Variants in ADAM7 observed in about 807,000 individuals in gnomAD.
ADAM7 encodes ADAM metallopeptidase domain 7.
Under a neutral mutation model 102.9 loss-of-function variants are expected in ADAM7, and 97 were observed. The observed-to-expected ratio is 0.94, with a 90% CI of 0.80 to 1.12. The LOEUF is 1.12. Ranked by LOEUF, ADAM7 falls within the 50% of genes most tolerant of loss-of-function variation. ADAM7 has a pLI of 0.00. For synonymous variants in ADAM7, 334 were observed against 304.4 expected (o/e 1.10, Z -1.01); for missense variants, 991 against 908.7 (o/e 1.09, Z -1.16).
chr8:24,452,455 A>T (rs13280798), intron 3 of ADAM7, among the ~76,000 whole-genome samples: 2 of 149,204 alleles, frequency 1.3e-5, no homozygotes, highest in Admixed American at 6.8e-5. Flanking sequence ...CTGTTTTATC[A>T]GAGACTAGGA....
Position 24,482,213 on chromosome 8 carries a change from A to G in ADAM7, c.777A>G (p.Glu259=), listed in dbSNP as rs761398118. 6.2e-7 allele frequency: 1 copy of G among 1,608,350 alleles called. No individual in the cohort carries two copies. The highest frequency in any genetic ancestry group is 1.1e-5 in the South Asian group (1 of 89,438). ...IEIWTHEDKI[E]LYSNIETTLL... ...TATGGACACATGAAGATAAAATAGAACTATATTCAAATATAGAAACTACCT... is the reference window on the plus strand; with the variant it reads ...TATGGACACATGAAGATAAAATAGAGCTATATTCAAATATAGAAACTACCT... Residue 259 remains glutamate, a synonymous_variant, in exon 9 of 22, where the codon GAA becomes GAG. Coordinates refer to ENST00000175238, the MANE Select transcript of ADAM7 (RefSeq NM_003817.4).
At chr8:24,478,846 A>C (rs1023464626) in intron 8 of ADAM7, among the ~76,000 whole-genome samples, 1 of 152,190 alleles carries the variant, frequency 6.6e-6, no homozygotes, top group Non-Finnish European at 1.5e-5. Context: ...GTAGAGTCTA[A>C]GAAAATAATA....
chr8:24,499,212 C>G lies in ADAM7; in HGVS notation c.1843-24C>G, dbSNP rs185173119. Reference sequence around the variant, plus strand: ...ACATCAATTGTAAGTCATTTTAATTCATGCTTGGTTACTTCATTTCTAGGT... The same window carrying G: ...ACATCAATTGTAAGTCATTTTAATTGATGCTTGGTTACTTCATTTCTAGGT... On this transcript the variant is annotated intron_variant, in intron 16 of 21. Coordinates refer to ENST00000175238, the MANE Select transcript of ADAM7 (RefSeq NM_003817.4). 954 of 1,528,456 alleles carry G rather than the reference C, an allele frequency of 6.2e-4. 8 individuals carry two copies. The Admixed American group carries it at 0.017, about 28-fold the overall frequency. 94.7% of individuals were successfully genotyped at this position (1,528,456 alleles called of 1,614,324 possible). A position where few individuals can be genotyped will look rare whatever the true frequency, so the allele number is the denominator to read the frequency against.
chr8:24,495,182 G>A (rs1174679736), intron 16 of ADAM7, among the ~76,000 whole-genome samples: 8 of 152,086 alleles, frequency 5.3e-5, no homozygotes. Flanking sequence ...CAACAGATTT[G>A]AATAAGATCC....
intron 8 of ADAM7, among the ~76,000 whole-genome samples, chr8:24,478,553 G>A (rs1227144690): frequency 6.6e-6 from 1 of 152,090 alleles, no homozygotes; most frequent in Non-Finnish European, 1.5e-5. Flanking sequence ...TCACAGTCCT[G>A]CCCACGTTGA....
chr8:24,508,949 A>G lies in ADAM7; in HGVS notation c.*403A>G, dbSNP rs1305878588. ...GTTACTTTTTTGGAAACATAAAAGT[A>G]CGTTTTAAAACTTGAACATGACATC... On this transcript the variant is annotated 3_prime_UTR_variant, in exon 22 of 22. Transcript: ENST00000175238. 11 of 1,018,226 alleles carry G rather than the reference A, an allele frequency of 1.1e-5. No individual in the cohort carries two copies. The highest frequency in any genetic ancestry group is 1.3e-5 in the Non-Finnish European group (11 of 851,704). The allele number at this position is 1,018,226 out of a possible 1,614,324, so 63.1% of individuals were successfully genotyped here. A position where few individuals can be genotyped will look rare whatever the true frequency, so the allele number is the denominator to read the frequency against.
Position 24,500,836 on chromosome 8 carries a change from C to G in ADAM7, c.2049C>G (p.Ile683Met). 1 of 1,613,266 alleles carries G rather than the reference C, an allele frequency of 6.2e-7. No homozygotes were observed. Among genetic ancestry groups the G allele is most frequent in the Non-Finnish European group, 8.5e-7 (1 of 1,179,512 alleles). The change falls in exon 19 of 22, where the codon ATC becomes ATG. Residue 683 changes from isoleucine (I) to methionine (M), a missense_variant. Coordinates refer to ENST00000175238, the MANE Select transcript of ADAM7 (RefSeq NM_003817.4). ...VVVLVLVIVG[I>M]GVLILLVRYR... Reference sequence around the variant, plus strand: ...TGCTTGTCCTGGTTATTGTCGGTATCGGAGTTCTTATACTATTAGTTCGTT... The same window carrying G: ...TGCTTGTCCTGGTTATTGTCGGTATGGGAGTTCTTATACTATTAGTTCGTT...
rs1438433414 is a variant in ADAM7, at chr8:24,476,506, T to C, written c.705+2T>C. The C allele has an allele frequency of 6.2e-7, 1 of 1,602,862 alleles. No homozygotes were observed. On this transcript the variant is annotated splice_donor_variant, in intron 8 of 21. Transcript: ENST00000175238. LOFTEE classifies it high-confidence loss of function. ...GGAATGGTCAATTTTGTCAACATGG[T>C]AAGATTTGATACAGTTTTTGAATCA...
chr8:24,446,645 G>T (rs2129372845), intron 2 of ADAM7, among the ~76,000 whole-genome samples: 1 of 151,870 alleles, frequency 6.6e-6, no homozygotes, highest in East Asian at 1.9e-4. Flanking sequence ...ATTAAAATAG[G>T]AAATAGTCAT....
At chr8:24,492,969 G>C in intron 15 of ADAM7, 74 bp from the exon 16 acceptor site, 1 of 1,405,082 alleles carries the variant, frequency 7.1e-7, no homozygotes, top group Non-Finnish European at 9.5e-7. Context: ...GAGTGACCGG[G>C]AGGCTCCATT....
chr8:24,457,919 T>G (rs1335805656), intron 3 of ADAM7, among the ~76,000 whole-genome samples: 1 of 151,904 alleles, frequency 6.6e-6, no homozygotes, highest in Non-Finnish European at 1.5e-5. Context: ...AATATTCTTG[T>G]TTTTCCCTAT....
At chr8:24,506,600 C>G (rs1311991492) in intron 20 of ADAM7, among the ~76,000 whole-genome samples, 1 of 152,068 alleles carries the variant, frequency 6.6e-6, no homozygotes, top group Non-Finnish European at 1.5e-5. Context: ...TAAAACACAG[C>G]AATGGTTTTC....
chr8:24,479,403 C>T (rs1324669728), intron 8 of ADAM7, among the ~76,000 whole-genome samples: 1 of 152,238 alleles, frequency 6.6e-6, no homozygotes, highest in East Asian at 1.9e-4. Context: ...TTTTCTTCAG[C>T]TGTAATACAT....
intron 10 of ADAM7, among the ~76,000 whole-genome samples, chr8:24,486,626 T>C (rs549305870): frequency 2.6e-5 from 4 of 152,244 alleles, no homozygotes; most frequent in African/African-American, 9.6e-5. Flanking sequence ...CAAGATTAAG[T>C]CCTTAGCAGA....
intron 3 of ADAM7, among the ~76,000 whole-genome samples, chr8:24,453,075 C>T (rs1264231033): frequency 6.6e-6 from 1 of 151,552 alleles, no homozygotes; most frequent in African/African-American, 2.4e-5. Flanking sequence ...TCTCTGGCTG[C>T]CCTTAACATT....
chr8:24,449,742 G>A (rs1221382909), intron 3 of ADAM7, among the ~76,000 whole-genome samples: 1 of 152,098 alleles, frequency 6.6e-6, no homozygotes, highest in Non-Finnish European at 1.5e-5. Flanking sequence ...TGTCCTGAAT[G>A]GTAATGCCTA....
In ADAM7 at chr8:24,485,277, T is replaced by G; in HGVS notation, c.876T>G (p.Ser292Arg). The change falls in exon 10 of 22, where the codon AGT becomes AGG. Residue 292 changes from serine (S) to arginine (R), a missense_variant and splice_region_variant. Transcript: ENST00000175238. ...RKDFDHVVLL[S>R]GKWLYSHVQG... is the part of the protein sequence containing the mutation. ...GACTATTTTTGCATCTTTTTCATAG[T>G]GGGAAGTGGCTCTACTCACATGTGC... 6.2e-7 allele frequency: 1 copy of G among 1,612,712 alleles called. No individual in the cohort carries two copies. Among genetic ancestry groups the G allele is most frequent in the South Asian group, 1.1e-5 (1 of 90,830 alleles).
At chr8:24,448,401 G>A (rs1818646211) in intron 3 of ADAM7, among the ~76,000 whole-genome samples, 1 of 152,072 alleles carries the variant, frequency 6.6e-6, no homozygotes. Context: ...GCATGTTAGT[G>A]AATTGTACAC....
chr8:24,489,132 T>A, intron 11 of ADAM7, 27 bp from the exon 12 acceptor site: 1 of 1,583,392 alleles, frequency 6.3e-7, no homozygotes. Context: ...ATGATTAATC[T>A]TTATTTTTAC....
Sources: allele counts gnomAD v4.1 joint callset (sites outside exome capture counted in the v4.1 genomes callset), GRCh38; gene constraint gnomAD v4.1.1; transcripts MANE v1.5; gene names NCBI Gene and HGNC (gene_info 2026-07-23, HGNC 2026-07-21).